The following RAPH1 variants were observed in gnomAD, a reference collection of about 807,000 sequenced individuals.
The protein encoded by RAPH1 is Ras association (RalGDS/AF-6) and pleckstrin homology domains 1, also known as ras-associated and pleckstrin homology domains-containing protein 1.
Under a neutral mutation model 88.1 loss-of-function variants are expected in RAPH1, and 18 were observed. The ratio of observed to expected loss-of-function variants is 0.20; its 90% confidence interval spans 0.14 to 0.30. The LOEUF (loss-of-function observed/expected upper bound fraction) is 0.30. Among genes scored for constraint, RAPH1 ranks in the 10% least tolerant of loss-of-function variants. The probability of loss-of-function intolerance (pLI) is 1.00; values close to 1 mark genes in which losing one functional copy is unlikely to be tolerated. For synonymous variants in RAPH1, 587 were observed against 559.0 expected, an observed-to-expected ratio of 1.05 and a Z score of -0.71; for missense variants, 1,448 against 1,543.2, an observed-to-expected ratio of 0.94 and a Z score of 1.03.
intron 13 of RAPH1, 57 bp from the exon 14 acceptor site, chr2:203,441,470 T>G: frequency 6.8e-7 from 1 of 1,479,626 alleles, no homozygotes; most frequent in Non-Finnish European, 8.9e-7. Flanking sequence ...ACAAAACAGT[T>G]ACAGAGGTAA....
chr2:203,450,718 T>G (rs536529774), intron 10 of RAPH1, among the ~76,000 whole-genome samples: 1 of 152,236 alleles, frequency 6.6e-6, no homozygotes, highest in Non-Finnish European at 1.5e-5. Context: ...TTCTGCTTCA[T>G]GGAGGCACTG....
At chr2:203,505,758 A>C (rs1028359768) in intron 1 of RAPH1, among the ~76,000 whole-genome samples, 11 of 152,206 alleles carry the variant, frequency 7.2e-5, no homozygotes, top group East Asian at 1.9e-4. Flanking sequence ...TGAGACAGTA[A>C]ATTTCTGTTG....
At chr2:203,518,983 C>T (rs951552522) in intron 1 of RAPH1, among the ~76,000 whole-genome samples, 2 of 152,156 alleles carry the variant, frequency 1.3e-5, no homozygotes, top group South Asian at 2.1e-4. Context: ...TAGGCCTGTA[C>T]CTACTAAAGA....
At chr2:203,510,298 T>C (rs962994675) in intron 1 of RAPH1, among the ~76,000 whole-genome samples, 5 of 124,502 alleles carry the variant, frequency 4.0e-5, no homozygotes, top group African/African-American at 1.6e-4. Context: ...ATCATGCCAC[T>C]GCACTGCAGC....
At chr2:203,506,832 C>CTATATATATATCTATATCTATATA (rs1553630461) in intron 1 of RAPH1, among the ~76,000 whole-genome samples, 13 of 11,696 alleles carry the variant, frequency 1.1e-3, no homozygotes, top group South Asian at 9.7e-3. Flanking sequence ...ATATATATAT[C>CTATATATATATCTATATCTATATA]TATATCTATA....
intron 1 of RAPH1, among the ~76,000 whole-genome samples, chr2:203,519,524 AC>A (rs761525784): frequency 8.5e-5 from 13 of 152,122 alleles, no homozygotes; most frequent in Non-Finnish European, 1.5e-4. Context: ...CTACAAAAAA[AC>A]CCCACAATTA....
intron 1 of RAPH1, among the ~76,000 whole-genome samples, chr2:203,534,790 G>A (rs1484614887): frequency 6.6e-6 from 1 of 151,644 alleles, no homozygotes; most frequent in East Asian, 2.0e-4. Context: ...ACCAGCCCCC[G>A]GTGCTGGGTC....
intron 1 of RAPH1, among the ~76,000 whole-genome samples, chr2:203,506,435 A>C (rs1243602814): frequency 6.6e-6 from 1 of 151,520 alleles, no homozygotes; most frequent in Non-Finnish European, 1.5e-5. Context: ...CAGGGCAGGG[A>C]AAAAAAACAA....
intron 4 of RAPH1, among the ~76,000 whole-genome samples, chr2:203,462,437 C>G (rs1282033069): frequency 1.3e-5 from 2 of 152,004 alleles, no homozygotes; most frequent in Non-Finnish European, 2.9e-5. Flanking sequence ...ATATAAAAAC[C>G]CTTTAAAAAA....
intron 12 of RAPH1, 32 bp downstream of exon 12, chr2:203,447,927 G>T: frequency 5.6e-6 from 9 of 1,611,142 alleles, no homozygotes; most frequent in Non-Finnish European, 7.6e-6. Flanking sequence ...CATATTAATC[G>T]CAAAATAGTG....
chr2:203,492,178 G>A (rs1300908530), intron 2 of RAPH1, among the ~76,000 whole-genome samples: 1 of 149,954 alleles, frequency 6.7e-6, no homozygotes, highest in Non-Finnish European at 1.5e-5. Context: ...AGGTTGCAGT[G>A]AGCCGAGATC....
At chr2:203,461,439 C>T in intron 5 of RAPH1, 31 bp from the exon 6 acceptor site, 1 of 1,517,936 alleles carries the variant, frequency 6.6e-7, no homozygotes, top group Non-Finnish European at 8.9e-7. Flanking sequence ...AGTAAATGAA[C>T]ACTAAAAAAT....
intron 1 of RAPH1, among the ~76,000 whole-genome samples, chr2:203,511,269 T>TTAA (rs1553631445): frequency 2.1e-5 from 3 of 142,230 alleles, no homozygotes; most frequent in African/African-American, 5.1e-5. Flanking sequence ...TACATTTCTT[T>TTAA]AAAAAAAAAA....
Position 203,535,287 on chromosome 2 carries a change from TGAC to T in RAPH1, c.-180_-178del, listed in dbSNP as rs2106032529. On this transcript the variant is annotated 5_prime_UTR_variant, in exon 1 of 14. Coordinates refer to ENST00000319170, the MANE Select transcript of RAPH1 (RefSeq NM_213589.3). ...CTGACTGACTGACTGACTGACTGAC[TGAC>T]TGACTGACTGGCGGGCGGCGGCGGG... 1 of 150,220 alleles carries T rather than the reference TGAC, an allele frequency of 6.7e-6. No homozygotes were observed. The highest frequency in any genetic ancestry group is 1.8e-4 in the South Asian group (1 of 5,602). The allele number at this position is 150,220 out of a possible 1,614,324, so 9.3% of individuals were successfully genotyped here.
At position 203,437,255 on chromosome 2, in the gene RAPH1, A is replaced by G. The variant is rs2098499269; in HGVS notation, c.*2182T>C. ...CGGGTACATTTTTTCCCCCTCAAGA[A>G]AAACTGAAGTGTTGTCTACCTTCTC... is the stretch of plus-strand genomic sequence containing the variant. On this transcript the variant is annotated 3_prime_UTR_variant, in exon 14 of 14. Transcript: ENST00000319170. The G allele has an allele frequency of 6.6e-6, 1 of 152,190 alleles. No homozygotes were observed. The highest frequency in any genetic ancestry group is 1.5e-5 in the Non-Finnish European group (1 of 68,032). The allele number at this position is 152,190 out of a possible 1,614,324, so 9.4% of individuals were successfully genotyped here.
At chr2:203,484,485 C>T (rs1371615432) in intron 4 of RAPH1, among the ~76,000 whole-genome samples, 4 of 151,912 alleles carry the variant, frequency 2.6e-5, no homozygotes, top group Non-Finnish European at 5.9e-5. Flanking sequence ...AAAAATGTTG[C>T]ATATACCCAG....
At chr2:203,529,690 A>T (rs180827265) in intron 1 of RAPH1, among the ~76,000 whole-genome samples, 6 of 152,314 alleles carry the variant, frequency 3.9e-5, no homozygotes, top group Non-Finnish European at 5.9e-5. Context: ...TGCAAAATTG[A>T]CTTAAGATTC....
In RAPH1 at chr2:203,516,006, T is replaced by A. The variant is rs554134065; in HGVS notation, c.-1+19105A>T. On this transcript the variant is annotated intron_variant, in intron 1 of 13. Transcript: ENST00000319170. Reference sequence around the variant, plus strand: ...TAATTGATCTAAAGATAATAGTTTGTTCAAAATAATGGCAACAATATACGT... The same window carrying A: ...TAATTGATCTAAAGATAATAGTTTGATCAAAATAATGGCAACAATATACGT... Among the ~76,000 whole-genome samples the A allele has an allele frequency of 1.5e-4, 23 of 152,344 alleles. No individual in the cohort carries two copies. In the East Asian group the frequency reaches 3.9e-3, roughly 26 times the overall value.
chr2:203,520,047 G>T (rs932713654), intron 1 of RAPH1, among the ~76,000 whole-genome samples: 3 of 152,112 alleles, frequency 2.0e-5, no homozygotes, highest in Non-Finnish European at 4.4e-5. Flanking sequence ...TACCACAGAG[G>T]CCAGGCACAG....
Sources: gnomAD v4.1 joint callset for allele counts (sites outside exome capture counted in the v4.1 genomes callset) on GRCh38, gnomAD v4.1.1 for gene constraint, MANE v1.5 for transcripts, NCBI Gene and HGNC (gene_info 2026-07-23, HGNC 2026-07-21) for gene names.